Variants in USP33 observed in about 807,000 individuals in gnomAD.
USP33 encodes ubiquitin carboxyl-terminal hydrolase 33.
A neutral mutation model predicts 124.2 loss-of-function variants in USP33; 46 were observed. That is an observed-to-expected ratio of 0.37 (90% CI 0.29 to 0.47). The LOEUF is 0.47. Among genes scored for constraint, USP33 ranks in the 20% least tolerant of loss-of-function variants. The probability of loss-of-function intolerance (pLI) is 0.99; values close to 1 mark genes in which losing one functional copy is unlikely to be tolerated. For synonymous variants in USP33, 350 were observed against 352.3 expected (o/e 0.99, Z 0.07); for missense variants, 851 against 1,070.6 (o/e 0.79, Z 2.86).
At chr1:77,742,578 T>TC (rs1679248467) in intron 1 of USP33, among the ~76,000 whole-genome samples, 1 of 55,546 alleles carries the variant, frequency 1.8e-5, no homozygotes, top group South Asian at 9.1e-4. Context: ...ACTTTACTGA[T>TC]CCACAGTGTT....
chr1:77,710,962 A>G (rs1570747947), intron 21 of USP33, among the ~76,000 whole-genome samples: 1 of 146,648 alleles, frequency 6.8e-6, no homozygotes, highest in African/African-American at 2.7e-5. Context: ...CATGCTTTTG[A>G]TTTTATGACC....
chr1:77,731,393 G>A (rs1295287966), intron 7 of USP33, among the ~76,000 whole-genome samples: 27 of 152,134 alleles, frequency 1.8e-4, no homozygotes, highest in Admixed American at 3.9e-4. Flanking sequence ...TCTGTCTGTC[G>A]TGAGTTTGAT....
At chr1:77,715,655 T>A in intron 18 of USP33, 87 bp downstream of exon 18, 1 of 1,445,066 alleles carries the variant, frequency 6.9e-7, no homozygotes, top group Non-Finnish European at 9.3e-7. Flanking sequence ...TAATCTTGAC[T>A]CAGCAATCCA....
chr1:77,735,713 C>T (rs988282727), intron 6 of USP33, among the ~76,000 whole-genome samples: 3 of 152,106 alleles, frequency 2.0e-5, no homozygotes, highest in Admixed American at 6.5e-5. Flanking sequence ...ATGTTTTCCC[C>T]GGAACTTCTG....
At chr1:77,702,794 C>A in intron 21 of USP33, among the ~76,000 whole-genome samples, 1 of 151,820 alleles carries the variant, frequency 6.6e-6, no homozygotes, top group Middle Eastern at 3.4e-3. Flanking sequence ...GCTTCTACCA[C>A]TTGCAATTAA....
At chr1:77,704,078 G>T (rs375134705) in intron 21 of USP33, among the ~76,000 whole-genome samples, 2 of 151,378 alleles carry the variant, frequency 1.3e-5, no homozygotes, top group South Asian at 4.2e-4. Flanking sequence ...TCATGCCACC[G>T]TGCTCCAGCC....
chr1:77,699,888 T>G (rs1330366761), intron 22 of USP33, among the ~76,000 whole-genome samples: 8 of 152,190 alleles, frequency 5.3e-5, no homozygotes, highest in Non-Finnish European at 1.2e-4. Flanking sequence ...TCATGTCCTA[T>G]GCAGGGACAT....
intron 21 of USP33, among the ~76,000 whole-genome samples, chr1:77,709,300 G>T (rs114060151): frequency 6.6e-6 from 1 of 152,100 alleles, no homozygotes; most frequent in African/African-American, 2.4e-5. Flanking sequence ...CTTGAGGCCA[G>T]GAATTAGAGA....
chr1:77,704,817 T>C (rs1674434458), intron 21 of USP33, among the ~76,000 whole-genome samples: 1 of 152,232 alleles, frequency 6.6e-6, no homozygotes, highest in African/African-American at 2.4e-5. Context: ...AATATCCTTA[T>C]GTATCTCCCT....
intron 1 of USP33, among the ~76,000 whole-genome samples, chr1:77,753,613 GA>G (rs1277159395): frequency 6.6e-5 from 10 of 151,770 alleles, no homozygotes; most frequent in Admixed American, 6.6e-4. Context: ...GAAATAATTT[GA>G]AAACTGTATC....
At chr1:77,751,536 A>C (rs1364841735) in intron 1 of USP33, among the ~76,000 whole-genome samples, 1 of 152,102 alleles carries the variant, frequency 6.6e-6, no homozygotes, top group Non-Finnish European at 1.5e-5. Flanking sequence ...ATGCCCCTGC[A>C]GTCCCAGCTA....
At chr1:77,702,951 G>A (rs888343945) in intron 21 of USP33, among the ~76,000 whole-genome samples, 1 of 151,932 alleles carries the variant, frequency 6.6e-6, no homozygotes, top group African/African-American at 2.4e-5. Flanking sequence ...GTAAGTAATT[G>A]CCCATCTCAT....
chr1:77,699,633 G>C (rs1208582210), intron 22 of USP33, among the ~76,000 whole-genome samples: 15 of 152,152 alleles, frequency 9.9e-5, no homozygotes, highest in Non-Finnish European at 1.5e-5. Flanking sequence ...AGACAGTGTG[G>C]CAATTCCTCA....
In USP33 at chr1:77,741,676, A is replaced by G; in HGVS notation, c.22T>C (p.Cys8Arg). ...TCACCAACTGAATCCAAATGTGGAC[A>G]ATGATTTCGAAAAGCTGACATTTTG... MSAFRNHCPHLDSVGEIT... is the reference protein window; with the variant it reads MSAFRNHRPHLDSVGEIT... The change falls in exon 2 of 24, where the codon TGT (cysteine) becomes CGT (arginine). Residue 8 changes from cysteine to arginine, a missense_variant. Physicochemically the swap from Cys to Arg is radical, Grantham distance 180. Coordinates refer to ENST00000370794, the MANE Select transcript of USP33 (RefSeq NM_201624.3). 1 of 1,605,628 alleles carries G rather than the reference A, an allele frequency of 6.2e-7. No individual in the cohort carries two copies. The highest frequency in any genetic ancestry group is 8.5e-7 in the Non-Finnish European group (1 of 1,176,876).
intron 23 of USP33, 68 bp downstream of exon 23, chr1:77,697,793 CTA>C: frequency 7.2e-7 from 1 of 1,396,050 alleles, no homozygotes; most frequent in East Asian, 2.3e-5. Flanking sequence ...CTATAGATGA[CTA>C]ATGATAACAT....
At chr1:77,703,746 T>C (rs909706599) in intron 21 of USP33, among the ~76,000 whole-genome samples, 1 of 152,184 alleles carries the variant, frequency 6.6e-6, no homozygotes, top group African/African-American at 2.4e-5. Flanking sequence ...TAATATAACA[T>C]ATAACATATT....
At chr1:77,747,453 T>C (rs1679860179) in intron 1 of USP33, among the ~76,000 whole-genome samples, 1 of 151,970 alleles carries the variant, frequency 6.6e-6, no homozygotes, top group Admixed American at 6.6e-5. Context: ...GACAAAGTCT[T>C]GCTATGTTGA....
chr1:77,747,207 T>C (rs968832585), intron 1 of USP33, among the ~76,000 whole-genome samples: 3 of 149,008 alleles, frequency 2.0e-5, no homozygotes, highest in Non-Finnish European at 3.0e-5. Flanking sequence ...TGATCATATA[T>C]AGTACATAAG....
At chr1:77,732,686 T>A (rs989847495) in intron 7 of USP33, among the ~76,000 whole-genome samples, 1 of 151,186 alleles carries the variant, frequency 6.6e-6, no homozygotes. Context: ...CTCTTTCCCA[T>A]CCCAAGGCTG....
Sources: allele counts gnomAD v4.1 joint callset (sites outside exome capture counted in the v4.1 genomes callset), GRCh38; gene constraint gnomAD v4.1.1; transcripts MANE v1.5; gene names NCBI Gene and HGNC (gene_info 2026-07-23, HGNC 2026-07-21).